Variants in RERE observed in about 807,000 individuals in gnomAD.
RERE encodes the protein arginine-glutamic acid dipeptide repeats protein.
RERE carries 40 observed loss-of-function variants against 146.1 expected under a neutral mutation model. The observed-to-expected ratio is 0.27, with a 90% confidence interval of 0.21 to 0.36. The LOEUF is 0.36. RERE is among the 10% of genes least tolerant of loss of function. The probability of loss-of-function intolerance (pLI) is 1.00; values close to 1 mark genes in which losing one functional copy is unlikely to be tolerated. For synonymous variants in RERE, 1,003 were observed against 866.0 expected (o/e 1.16, Z -2.78); for missense variants, 1,933 against 2,138.7 (o/e 0.90, Z 1.90).
intron 1 of RERE, among the ~76,000 whole-genome samples, chr1:8,672,719 C>T (rs1270248654): frequency 6.6e-6 from 1 of 152,206 alleles, no homozygotes; most frequent in Non-Finnish European, 1.5e-5. Flanking sequence ...TATTCAGCCT[C>T]AGATATACTT....
At chr1:8,410,935 T>A (rs1643597858) in intron 12 of RERE, among the ~76,000 whole-genome samples, 1 of 152,182 alleles carries the variant, frequency 6.6e-6, no homozygotes, top group Non-Finnish European at 1.5e-5. Flanking sequence ...TTGACTAGCA[T>A]CAGGAATAAA....
intron 1 of RERE, among the ~76,000 whole-genome samples, chr1:8,803,732 GTT>G (rs542392123): frequency 2.1e-5 from 3 of 141,802 alleles, no homozygotes; most frequent in Admixed American, 7.1e-5. Context: ...CTGGTTTTTT[GTT>G]TTTTTTTTTT....
At chr1:8,754,319 A>G (rs1640594385) in intron 1 of RERE, among the ~76,000 whole-genome samples, 1 of 152,094 alleles carries the variant, frequency 6.6e-6, no homozygotes, top group African/African-American at 2.4e-5. Flanking sequence ...TTCCCAGAAG[A>G]TTCATTACAG....
At chr1:8,473,707 T>C (rs780318482) in intron 10 of RERE, among the ~76,000 whole-genome samples, 1 of 152,198 alleles carries the variant, frequency 6.6e-6, no homozygotes, top group Non-Finnish European at 1.5e-5. Context: ...AATAGCCCTG[T>C]CCCGAACCAG....
At chr1:8,367,531 A>T (rs917956536) in intron 12 of RERE, among the ~76,000 whole-genome samples, 1 of 152,202 alleles carries the variant, frequency 6.6e-6, no homozygotes, top group African/African-American at 2.4e-5. Flanking sequence ...AACACTTAAC[A>T]AATTACTCCT....
chr1:8,809,637 A>AT (rs1326255611), intron 1 of RERE, among the ~76,000 whole-genome samples: 15 of 152,132 alleles, frequency 9.9e-5, no homozygotes, highest in African/African-American at 2.7e-4. Flanking sequence ...GTTAACTGGC[A>AT]TTTTTTTCAT....
chr1:8,810,475 G>A (rs375599472), intron 1 of RERE, among the ~76,000 whole-genome samples: 1 of 152,272 alleles, frequency 6.6e-6, no homozygotes. Context: ...GTGTGATGGT[G>A]CATGCCTATG....
intron 12 of RERE, among the ~76,000 whole-genome samples, chr1:8,410,590 A>G (rs998205569): frequency 1.3e-5 from 2 of 152,228 alleles, no homozygotes; most frequent in Non-Finnish European, 2.9e-5. Flanking sequence ...CCCAGTCTGC[A>G]GGAATGCTGT....
At chr1:8,485,787 C>T (rs1427062827) in intron 10 of RERE, among the ~76,000 whole-genome samples, 1 of 141,968 alleles carries the variant, frequency 7.0e-6, no homozygotes, top group Non-Finnish European at 1.5e-5. Flanking sequence ...ACAACCAACT[C>T]TACAATCACT....
intron 12 of RERE, among the ~76,000 whole-genome samples, chr1:8,386,017 TATATA>T (rs1395280873): frequency 1.1e-3 from 44 of 41,028 alleles, no homozygotes; most frequent in Non-Finnish European, 1.6e-3. Flanking sequence ...TATATATATA[TATATA>T]TTTTTTTTTT....
At chr1:8,736,332 G>C (rs1164190779) in intron 1 of RERE, among the ~76,000 whole-genome samples, 3 of 152,020 alleles carry the variant, frequency 2.0e-5, no homozygotes, top group Non-Finnish European at 2.9e-5. Context: ...TCAGCCTCTT[G>C]AGTAGCTGGG....
chr1:8,525,763 A>G (rs1218048618), intron 7 of RERE: 3 of 1,600,160 alleles, frequency 1.9e-6, no homozygotes. Context: ...GCCTACCTGC[A>G]GGGGCTGAAT....
At chr1:8,489,023 A>G (rs1011900210) in intron 10 of RERE, among the ~76,000 whole-genome samples, 6 of 152,306 alleles carry the variant, frequency 3.9e-5, no homozygotes, top group Admixed American at 3.3e-4. Context: ...AAGCTTCAGC[A>G]TAACTATATA....
At chr1:8,568,494 C>T (rs1182221611) in intron 4 of RERE, among the ~76,000 whole-genome samples, 3 of 152,174 alleles carry the variant, frequency 2.0e-5, no homozygotes, top group African/African-American at 7.2e-5. Flanking sequence ...TCACAAGGAG[C>T]CTGATAACTC....
intron 3 of RERE, among the ~76,000 whole-genome samples, chr1:8,621,487 A>G (rs1223400372): frequency 1.3e-5 from 2 of 152,204 alleles, no homozygotes; most frequent in Admixed American, 1.3e-4. Flanking sequence ...AATGTGTATC[A>G]TAACGGGCAT....
intron 12 of RERE, among the ~76,000 whole-genome samples, chr1:8,378,310 C>T (rs1313893667): frequency 6.6e-6 from 1 of 152,208 alleles, no homozygotes; most frequent in Non-Finnish European, 1.5e-5. Context: ...TCTCTGTGCT[C>T]TTGTGTAAAC....
chr1:8,601,169 G>A (rs534055788), intron 4 of RERE, among the ~76,000 whole-genome samples: 4 of 151,748 alleles, frequency 2.6e-5, no homozygotes, highest in South Asian at 2.1e-4. Flanking sequence ...ACTAGCGTGC[G>A]CCACCATGCC....
chr1:8,757,090 C>CAAAAA (rs34237128), intron 1 of RERE, among the ~76,000 whole-genome samples: 15 of 59,462 alleles, frequency 2.5e-4, no homozygotes, highest in African/African-American at 4.1e-4. Flanking sequence ...AACTCCATCT[C>CAAAAA]AAAAAAAAAA....
In RERE at chr1:8,678,717, C is replaced by T. The variant is rs985271799; in HGVS notation, c.-144-22276G>A. 2.0e-5 allele frequency among the ~76,000 whole-genome samples: 3 copies of T among 152,064 alleles called. No homozygotes were observed. In the South Asian group the frequency reaches 6.2e-4, roughly 32 times the overall value. ...CTCCAAAAAAATAAAAATAAAAATA[C>T]AAAAAGTAAATTATAACTCTCCAAC... On this transcript the variant is annotated intron_variant, in intron 1 of 22. Transcript: ENST00000400908.
Sources: gnomAD v4.1 joint callset for allele counts (sites outside exome capture counted in the v4.1 genomes callset) on GRCh38, gnomAD v4.1.1 for gene constraint, MANE v1.5 for transcripts, NCBI Gene and HGNC (gene_info 2026-07-23, HGNC 2026-07-21) for gene names.